The following HADHB variants were observed in gnomAD, a reference collection of about 807,000 sequenced individuals.
HADHB encodes the protein trifunctional enzyme subunit beta, mitochondrial.
HADHB carries 50 observed loss-of-function variants against 61.9 expected under a neutral mutation model. The observed-to-expected ratio is 0.81, with a 90% CI of 0.64 to 1.02. The LOEUF (loss-of-function observed/expected upper bound fraction) is 1.02. Among genes scored for constraint, HADHB ranks in the 50% least tolerant of loss-of-function variants. The pLI is 0.00. For synonymous variants in HADHB, 191 were observed against 201.6 expected (o/e 0.95, Z 0.45); for missense variants, 504 against 586.5 (o/e 0.86, Z 1.45).
intron 3 of HADHB, chr2:26,261,223 A>T: frequency 2.6e-6 from 1 of 377,622 alleles, no homozygotes; most frequent in Admixed American, 4.5e-5. Context: ...CCCCCCCCCC[A>T]TCCAGACAAA....
chr2:26,261,074 T>G, intron 3 of HADHB: 1 of 1,301,366 alleles, frequency 7.7e-7, no homozygotes, highest in South Asian at 1.3e-5. Context: ...GTGAGTCCAG[T>G]ACCTACTCTG....
At chr2:26,249,404 G>A (rs1335573441) in intron 1 of HADHB, among the ~76,000 whole-genome samples, 1 of 151,882 alleles carries the variant, frequency 6.6e-6, no homozygotes, top group Non-Finnish European at 1.5e-5. Flanking sequence ...CCAGTTACTC[G>A]GGAGGCTGAG....
chr2:26,245,892 T>C (rs1671131399), intron 1 of HADHB, among the ~76,000 whole-genome samples: 1 of 152,178 alleles, frequency 6.6e-6, no homozygotes, highest in Admixed American at 6.5e-5. Context: ...ATATATACAT[T>C]TTCTAGTCTG....
chr2:26,282,824 T>G, intron 10 of HADHB, 21 bp from the exon 11 acceptor site: 1 of 1,576,000 alleles, frequency 6.3e-7, no homozygotes, highest in South Asian at 1.1e-5. Flanking sequence ...AATTTTAACA[T>G]TGTGCTGGTT....
In HADHB at chr2:26,284,883, G is replaced by T. The variant is rs1672959266; in HGVS notation, c.1150G>T (p.Gly384Cys). Residue 384 changes from glycine (G) to cysteine (C), a missense_variant and splice_region_variant, in exon 14 of 16, where the codon GGT becomes TGT. Coordinates refer to ENST00000317799, the MANE Select transcript of HADHB (RefSeq NM_000183.3). ...DAFEFHEAFSGQILANFKAMD... is the reference protein window; with the variant it reads ...DAFEFHEAFSCQILANFKAMD... ...CTTATTCGATTATTTTCTCTTCCAG[G>T]GTCAGATTTTGGCAAATTTTAAAGC... is the stretch of plus-strand genomic sequence containing the variant. 1 of 1,517,844 alleles carries T rather than the reference G, an allele frequency of 6.6e-7. No homozygotes were observed. Among genetic ancestry groups the T allele is most frequent in the African/African-American group, 1.4e-5 (1 of 73,144 alleles). 94.0% of individuals were successfully genotyped at this position (1,517,844 alleles called of 1,614,324 possible).
At chr2:26,248,973 C>T (rs1273275754) in intron 1 of HADHB, among the ~76,000 whole-genome samples, 1 of 151,808 alleles carries the variant, frequency 6.6e-6, no homozygotes, top group African/African-American at 2.4e-5. Flanking sequence ...AGGAGAATCG[C>T]TTGAACCCAG....
chr2:26,279,116 T>C lies in HADHB; in HGVS notation c.631-19T>C. ...ACCGGTTAACAGTGTACCTGCTCCT[T>C]GGATATCTCCTTTCCCAGCTCCCTG... On this transcript the variant is annotated intron_variant, in intron 8 of 15. Transcript: ENST00000317799. 6.2e-7 allele frequency: 1 copy of C among 1,604,994 alleles called. No individual in the cohort carries two copies. Among genetic ancestry groups the C allele is most frequent in the Non-Finnish European group, 8.5e-7 (1 of 1,171,654 alleles).
At chr2:26,252,440 A>G (rs1244008672) in intron 1 of HADHB, among the ~76,000 whole-genome samples, 3 of 152,154 alleles carry the variant, frequency 2.0e-5, no homozygotes, top group Non-Finnish European at 4.4e-5. Flanking sequence ...TGTGATGACA[A>G]GTCTTCCACC....
chr2:26,266,753 A>G (rs34291477), intron 4 of HADHB, among the ~76,000 whole-genome samples: 29,893 of 150,514 alleles, frequency 0.2, 3,074 homozygotes, highest in Middle Eastern at 0.26. Context: ...GGTGGCGTGC[A>G]CCTGTAATCC....
chr2:26,289,241 C>T (rs1026695754), intron 15 of HADHB, among the ~76,000 whole-genome samples: 4 of 152,060 alleles, frequency 2.6e-5, no homozygotes, highest in Admixed American at 6.6e-5. Context: ...CGGCGAGGCA[C>T]GGTCTCCAAA....
intron 3 of HADHB, among the ~76,000 whole-genome samples, chr2:26,260,269 A>G (rs1671807799): frequency 6.6e-6 from 1 of 151,702 alleles, no homozygotes; most frequent in African/African-American, 2.4e-5. Flanking sequence ...TTTAGTAGAG[A>G]CGGGGTTTCA....
At chr2:26,271,369 T>A (rs1312201731) in intron 5 of HADHB, among the ~76,000 whole-genome samples, 1 of 151,924 alleles carries the variant, frequency 6.6e-6, no homozygotes, top group Admixed American at 6.6e-5. Context: ...TAGCTGGGCG[T>A]AGTAGCACAT....
chr2:26,266,170 G>A (rs1672068528), intron 4 of HADHB, among the ~76,000 whole-genome samples: 1 of 152,122 alleles, frequency 6.6e-6, no homozygotes, highest in Admixed American at 6.6e-5. Flanking sequence ...GGAGGCTGGG[G>A]CGGGAGGATT....
At chr2:26,247,080 A>C (rs1266540897) in intron 1 of HADHB, among the ~76,000 whole-genome samples, 1 of 152,168 alleles carries the variant, frequency 6.6e-6, no homozygotes, top group Non-Finnish European at 1.5e-5. Flanking sequence ...TGTGTTTCAA[A>C]GTTGTAATAA....
intron 12 of HADHB, among the ~76,000 whole-genome samples, 168 bp from the exon 13 acceptor site, chr2:26,283,949 G>A (rs931299353): frequency 6.6e-6 from 1 of 152,184 alleles, no homozygotes; most frequent in African/African-American, 2.4e-5. Context: ...GGGCATGTCT[G>A]TACAGTTTCA....
chr2:26,272,118 C>A (rs896986447), intron 5 of HADHB, among the ~76,000 whole-genome samples: 3 of 151,976 alleles, frequency 2.0e-5, no homozygotes, highest in Admixed American at 6.6e-5. Flanking sequence ...TTATTTATTT[C>A]ATTGTAGCCA....
In HADHB at chr2:26,280,110, T is replaced by A; in HGVS notation, c.928T>A (p.Phe310Ile). Residue 310 changes from phenylalanine (F) to isoleucine (I), a missense_variant, in exon 10 of 16, where the codon TTC becomes ATC. Transcript: ENST00000317799. ...CACAGTGACAGCTGCAAATTCTTCT[T>A]TCTTGGTAACTGTCAATGTTATTTG... Reference protein sequence around the residue: ...YGTVTAANSSFLTDGASAMLI... With the variant: ...YGTVTAANSSILTDGASAMLI... 6.2e-7 allele frequency: 1 copy of A among 1,612,462 alleles called. No homozygotes were observed. The highest frequency in any genetic ancestry group is 1.1e-5 in the South Asian group (1 of 91,052).
intron 10 of HADHB, among the ~76,000 whole-genome samples, chr2:26,281,042 C>T (rs1672767829): frequency 6.6e-6 from 1 of 151,886 alleles, no homozygotes; most frequent in South Asian, 2.1e-4. Context: ...TCTTCCAGCC[C>T]TGATTGTTAG....
chr2:26,289,787 T>C, intron 15 of HADHB, 131 bp from the exon 16 acceptor site: 1 of 771,530 alleles, frequency 1.3e-6, no homozygotes, highest in Non-Finnish European at 2.4e-6. Flanking sequence ...TTTCCCAAGA[T>C]CACAGTGATT....
Sources: gnomAD v4.1 joint callset for allele counts (sites outside exome capture counted in the v4.1 genomes callset) on GRCh38, gnomAD v4.1.1 for gene constraint, MANE v1.5 for transcripts, NCBI Gene and HGNC (gene_info 2026-07-23, HGNC 2026-07-21) for gene names.